ATP2C1: variants seen among roughly 807,000 people sequenced by gnomAD.
ATP2C1 encodes calcium-transporting ATPase type 2C member 1.
Under a neutral mutation model 120.5 loss-of-function variants are expected in ATP2C1, and 31 were observed. The observed-to-expected ratio is 0.26, with a 90% CI of 0.19 to 0.35. ATP2C1 has a LOEUF of 0.35. Ranked by LOEUF, ATP2C1 falls within the 10% of genes least tolerant of loss-of-function variation. The pLI, the probability that ATP2C1 is intolerant of heterozygous loss-of-function variation, is 1.00. For synonymous variants in ATP2C1, 351 were observed against 358.7 expected (o/e 0.98, Z 0.24); for missense variants, 731 against 1,107.5 (o/e 0.66, Z 4.83).
chr3:130,866,809 A>G (rs1442399116), intron 1 of ATP2C1, among the ~76,000 whole-genome samples: 1 of 152,218 alleles, frequency 6.6e-6, no homozygotes, highest in Admixed American at 6.5e-5. Flanking sequence ...ATGTACGGTC[A>G]TACTTCCATT....
At chr3:131,015,546 C>G (rs1212881808) in intron 26 of ATP2C1, among the ~76,000 whole-genome samples, 8 of 152,232 alleles carry the variant, frequency 5.3e-5, no homozygotes, top group African/African-American at 1.7e-4. Flanking sequence ...TCCTTCTTGC[C>G]TGGTAAAGCA....
chr3:130,915,561 G>A (rs1262081504), intron 2 of ATP2C1, among the ~76,000 whole-genome samples: 2 of 152,156 alleles, frequency 1.3e-5, no homozygotes, highest in African/African-American at 4.8e-5. Flanking sequence ...TGGTTTGTGT[G>A]ACCTGCAGTT....
In ATP2C1 at chr3:130,975,465, G is replaced by A. The variant is rs756074470; in HGVS notation, c.1547G>A (p.Arg516His). 16 of 1,613,636 alleles carry A rather than the reference G, an allele frequency of 9.9e-6. No homozygotes were observed. Among genetic ancestry groups the A allele is most frequent in the Middle Eastern group, 1.6e-4 (1 of 6,082 alleles). The change falls in exon 18 of 28, where the codon CGC becomes CAC. Residue 516 changes from arginine (R) to histidine (H), a missense_variant. Transcript: ENST00000510168. ...QRDVYQQEKA[R>H]MGSAGLRVLA... ...GATGTGTACCAACAAGAGAAGGCAC[G>A]CATGGGCTCAGCGGGACTCAGAGGT...
At chr3:131,000,167 A>G (rs1560036606) in intron 27 of ATP2C1, among the ~76,000 whole-genome samples, 1 of 152,212 alleles carries the variant, frequency 6.6e-6, no homozygotes, top group Non-Finnish European at 1.5e-5. Flanking sequence ...ACCATTTATT[A>G]AATGTATAAT....
intron 1 of ATP2C1, among the ~76,000 whole-genome samples, chr3:130,867,489 G>C (rs1432630862): frequency 1.3e-5 from 2 of 149,222 alleles, no homozygotes; most frequent in Admixed American, 1.3e-4. Context: ...ACGGGGTTTC[G>C]CTGTGTTGGC....
chr3:130,867,911 G>A lies in ATP2C1; in HGVS notation c.108+16983G>A, dbSNP rs1300598567. The A allele has an allele frequency of 7.9e-5, 17 of 214,996 alleles. No homozygotes were observed. In the South Asian group the frequency reaches 8.1e-4, roughly 10 times the overall value. 13.3% of individuals were successfully genotyped at this position (214,996 alleles called of 1,614,324 possible). A position where few individuals can be genotyped will look rare whatever the true frequency, so the allele number is the denominator to read the frequency against. On this transcript the variant is annotated intron_variant, in intron 1 of 26. Coordinates refer to the ATP2C1 transcript ENST00000504381. Reference sequence around the variant, plus strand: ...GAGCGTCTCTGCCCGGCCGCCCATCGTCTGAGATGTGGGGAGCACCTCTGC... The same window carrying A: ...GAGCGTCTCTGCCCGGCCGCCCATCATCTGAGATGTGGGGAGCACCTCTGC...
intron 5 of ATP2C1, 77 bp from the exon 6 acceptor site, chr3:130,937,351 A>G: frequency 2.4e-6 from 3 of 1,237,882 alleles, no homozygotes; most frequent in Non-Finnish European, 1.2e-6. Flanking sequence ...GACTGCAGAT[A>G]GTTAGAAAAA....
intron 8 of ATP2C1, among the ~76,000 whole-genome samples, chr3:130,953,454 A>AT (rs1291711070): frequency 6.6e-6 from 1 of 152,172 alleles, no homozygotes; most frequent in Non-Finnish European, 1.5e-5. Flanking sequence ...CTGCCAAGCC[A>AT]TATTTCCAGA....
chr3:130,892,918 T>C (rs1343368357), upstream of ATP2C1, among the ~76,000 whole-genome samples: 3 of 152,242 alleles, frequency 2.0e-5, no homozygotes, highest in Admixed American at 6.5e-5. Context: ...AACGTGTGGT[T>C]AGAGAGCACA....
chr3:130,894,224 G>C lies in ATP2C1; in HGVS notation c.-294G>C, dbSNP rs2069368908. 16 of 972,970 alleles carry C rather than the reference G, an allele frequency of 1.6e-5. No homozygotes were observed. In the South Asian group the frequency reaches 7.8e-4, roughly 48 times the overall value. 60.3% of individuals were successfully genotyped at this position (972,970 alleles called of 1,614,324 possible). A position where few individuals can be genotyped will look rare whatever the true frequency, so the allele number is the denominator to read the frequency against. On this transcript the variant is annotated 5_prime_UTR_variant, in exon 1 of 28. Coordinates refer to ENST00000510168, the MANE Select transcript of ATP2C1 (RefSeq NM_001378687.1). The surrounding 1 kb of genome is among the most constrained non-coding windows in gnomAD (Gnocchi z 4.5). ...CTTCTCACGCCGGGAGCAGGCTCCC[G>C]CCTCGCACCGCTGCCCCGCGAGCAG...
rs182496943 is a variant in ATP2C1 at position 130,994,599 on chromosome 3, A to G, written c.2057+501A>G. Among the ~76,000 whole-genome samples, 119 of 152,300 alleles carry G rather than the reference A, an allele frequency of 7.8e-4. 3 individuals are homozygous for G. The East Asian group carries it at 0.021, about 26-fold the overall frequency. On this transcript the variant is annotated intron_variant, in intron 22 of 27. Coordinates refer to ENST00000510168, the MANE Select transcript of ATP2C1 (RefSeq NM_001378687.1). ...AGTTGATTTAAGACTCCAGTGTAATACATGGTGGTGTCAGTTTCACAGTGT... is the reference window on the plus strand; with the variant it reads ...AGTTGATTTAAGACTCCAGTGTAATGCATGGTGGTGTCAGTTTCACAGTGT...
intron 2 of ATP2C1, among the ~76,000 whole-genome samples, chr3:130,922,529 G>A (rs1055508385): frequency 9.9e-5 from 15 of 151,908 alleles, no homozygotes; most frequent in African/African-American, 3.4e-4. Context: ...TTGTTCTCTA[G>A]TTCCTTGAGG....
At chr3:130,866,078 A>C (rs1244382272) in intron 1 of ATP2C1, among the ~76,000 whole-genome samples, 1 of 152,194 alleles carries the variant, frequency 6.6e-6, no homozygotes, top group Non-Finnish European at 1.5e-5. Flanking sequence ...ATTATCCTTA[A>C]ATGTAAGCAG....
intron 2 of ATP2C1, among the ~76,000 whole-genome samples, chr3:130,901,964 A>G (rs79315281): frequency 0.011 from 1,628 of 152,046 alleles, 23 homozygotes; most frequent in East Asian, 0.076. Flanking sequence ...GCTGGTAAGC[A>G]TGCTACAATC....
intron 2 of ATP2C1, among the ~76,000 whole-genome samples, chr3:130,923,049 A>G (rs2108272076): frequency 6.6e-6 from 1 of 152,210 alleles, no homozygotes; most frequent in Admixed American, 6.5e-5. Flanking sequence ...TAGTGTTGTC[A>G]GTGGATTATT....
chr3:130,965,182 A>G (rs2060998162), intron 14 of ATP2C1, 137 bp downstream of exon 14: 1 of 680,636 alleles, frequency 1.5e-6, no homozygotes, highest in African/African-American at 1.8e-5. Flanking sequence ...TCTCTCTGTG[A>G]TTTTACCAAG....
At chr3:130,958,676 G>T (rs957129246) in intron 11 of ATP2C1, among the ~76,000 whole-genome samples, 1 of 152,096 alleles carries the variant, frequency 6.6e-6, no homozygotes, top group Non-Finnish European at 1.5e-5. Context: ...AAAGGTTAAA[G>T]CAAGGAGTAT....
At chr3:130,863,664 G>C (rs372517551) in intron 1 of ATP2C1, among the ~76,000 whole-genome samples, 6 of 152,298 alleles carry the variant, frequency 3.9e-5, no homozygotes, top group Non-Finnish European at 8.8e-5. Flanking sequence ...GGTGTTGTGG[G>C]AGGGACCCAG....
intron 2 of ATP2C1, chr3:130,918,299 CA>C: frequency 6.4e-7 from 1 of 1,557,584 alleles, no homozygotes; most frequent in Non-Finnish European, 8.8e-7. Context: ...GCACCCTTTA[CA>C]ATAGATTTCA....
Sources: gnomAD v4.1 joint callset for allele counts (sites outside exome capture counted in the v4.1 genomes callset) on GRCh38, gnomAD v4.1.1 for gene constraint, Gnocchi (gnomAD v3.1) non-coding constraint, MANE v1.5 for transcripts, NCBI Gene and HGNC (gene_info 2026-07-23, HGNC 2026-07-21) for gene names.